Variants in LINGO1 observed in about 807,000 individuals in gnomAD.
LINGO1 encodes the protein leucine-rich repeat and immunoglobulin-like domain-containing nogo receptor-interacting protein 1.
Under a neutral mutation model 37.3 loss-of-function variants are expected in LINGO1, and 11 were observed. The observed-to-expected ratio is 0.29, with a 90% confidence interval of 0.19 to 0.49. The LOEUF is 0.49. Ranked by LOEUF, LINGO1 falls within the 20% of genes least tolerant of loss-of-function variation. The pLI, the probability that LINGO1 is intolerant of heterozygous loss-of-function variation, is 0.99. For synonymous variants in LINGO1, 387 were observed against 403.0 expected (o/e 0.96, Z 0.48); for missense variants, 585 against 878.2 (o/e 0.67, Z 4.22).
At chr15:77,674,054 A>G (rs1201123636) in intron 3 of LINGO1, among the ~76,000 whole-genome samples, 2 of 151,506 alleles carry the variant, frequency 1.3e-5, no homozygotes, top group Admixed American at 1.3e-4. Context: ...CCACCACTGA[A>G]CCACTCCTCT....
At chr15:77,740,447 G>A (rs1351174503) in intron 1 of LINGO1, among the ~76,000 whole-genome samples, 2 of 152,124 alleles carry the variant, frequency 1.3e-5, no homozygotes, top group Admixed American at 6.6e-5. Flanking sequence ...CAGCACAAAT[G>A]TTGCCTCAGT....
rs754960167 is a variant in LINGO1, at chr15:77,614,839, G to A, written c.1068C>T (p.His356=). 32 of 1,613,288 alleles carry A rather than the reference G, an allele frequency of 2.0e-5. No homozygotes were observed. The highest frequency in any genetic ancestry group is 2.7e-5 in the Non-Finnish European group (32 of 1,179,698). The part of the protein sequence containing the change: ...QLTTLEESVF[H]SVGNLETLIL... ...TGAGTGTCTCCAGGTTGCCCACCGA[G>A]TGGAAGACTGATTCCTCCAGTGTGG... Residue 356 remains histidine, a synonymous_variant, in exon 2 of 2, where the codon CAC becomes CAT. Coordinates refer to ENST00000355300, the MANE Select transcript of LINGO1 (RefSeq NM_032808.7).
At chr15:77,620,983 TC>T (rs1202872531) in intron 1 of LINGO1, among the ~76,000 whole-genome samples, 1 of 151,952 alleles carries the variant, frequency 6.6e-6, no homozygotes, top group Non-Finnish European at 1.5e-5. Context: ...TACAGGCTCA[TC>T]CACCAGACAC....
chr15:77,704,318 T>A (rs373072480), intron 2 of LINGO1, among the ~76,000 whole-genome samples: 21 of 152,280 alleles, frequency 1.4e-4, no homozygotes, highest in African/African-American at 5.1e-4. Flanking sequence ...AGGCTACACA[T>A]AGAGCACTAT....
intron 1 of LINGO1, among the ~76,000 whole-genome samples, chr15:77,801,519 G>A (rs1027077623): frequency 2.0e-5 from 3 of 152,034 alleles, no homozygotes; most frequent in Admixed American, 6.5e-5. Flanking sequence ...GGGCTTTCAT[G>A]GCCTGTTTTC....
rs564627688 is a variant in LINGO1, at chr15:77,798,428, G to A, written c.-457-2375C>T. Among the ~76,000 whole-genome samples, 19 of 152,292 alleles carry A rather than the reference G, an allele frequency of 1.2e-4. No homozygotes were observed. In the South Asian group the frequency reaches 3.3e-3, roughly 27 times the overall value. ...TAAGCCATCCCCACAGTGCCATTCC[G>A]GGCCCCCGGCTGCCATGCTCCAAGA... On this transcript the variant is annotated intron_variant, in intron 1 of 5. Transcript: ENST00000562933.
upstream of LINGO1, among the ~76,000 whole-genome samples, chr15:77,791,756 C>T (rs4243050): frequency 0.95 from 144,845 of 152,160 alleles, 68,992 homozygotes; most frequent in Admixed American, 0.97. Context: ...AGGCCTAGTA[C>T]CAGCCTCACA....
intron 1 of LINGO1, among the ~76,000 whole-genome samples, chr15:77,739,514 C>T (rs1374790801): frequency 2.0e-5 from 3 of 152,178 alleles, no homozygotes; most frequent in South Asian, 2.1e-4. Flanking sequence ...CTCCTTTTTC[C>T]CTTGGGATGC....
At chr15:77,683,421 G>A (rs1054614409) in intron 2 of LINGO1, among the ~76,000 whole-genome samples, 1 of 152,154 alleles carries the variant, frequency 6.6e-6, no homozygotes, top group Non-Finnish European at 1.5e-5. Flanking sequence ...GATGCTCCCC[G>A]AAGCATTATT....
rs118060832 is a variant in LINGO1 at position 77,622,144 on chromosome 15, G to A, written c.7-6244C>T. ...CCTGGGAAGGGGGCTAGAGCACTTC[G>A]GAAAGTCTGCCCAGGGCTCTGCCCA... is the stretch of plus-strand genomic sequence containing the variant. On this transcript the variant is annotated intron_variant, in intron 1 of 1. Transcript: ENST00000355300. 1.1e-4 allele frequency among the ~76,000 whole-genome samples: 17 copies of A among 152,298 alleles called. No individual in the cohort carries two copies. In the East Asian group the frequency reaches 2.9e-3, roughly 26 times the overall value.
intron 1 of LINGO1, among the ~76,000 whole-genome samples, chr15:77,765,879 C>G (rs2076523197): frequency 6.6e-6 from 1 of 152,130 alleles, no homozygotes; most frequent in African/African-American, 2.4e-5. Context: ...GACAGGCCCA[C>G]CCCTGCACAA....
intron 3 of LINGO1, chr15:77,651,897 G>C (rs2074765310): frequency 6.6e-6 from 1 of 152,182 alleles, no homozygotes; most frequent in South Asian, 2.1e-4. Flanking sequence ...TGGGTCTCTG[G>C]GTTTGGTCAG....
Position 77,615,917 on chromosome 15 carries a change from G to A in LINGO1, c.7-17C>T, listed in dbSNP as rs2073702429. On this transcript the variant is annotated splice_polypyrimidine_tract_variant and intron_variant, in intron 1 of 1. Transcript: ENST00000355300. ...CTTGCTCACCTGCAGCCGGGAGCAA[G>A]CACAGGACAGAGGTGGCGGTTAGGG... 1.4e-6 allele frequency: 2 copies of A among 1,456,630 alleles called. No homozygotes were observed. The highest frequency in any genetic ancestry group is 2.6e-5 in the Admixed American group (1 of 38,212). 90.2% of individuals were successfully genotyped at this position (1,456,630 alleles called of 1,614,324 possible).
chr15:77,712,214 C>A (rs1052074758), intron 2 of LINGO1, among the ~76,000 whole-genome samples: 1 of 152,130 alleles, frequency 6.6e-6, no homozygotes, highest in Non-Finnish European at 1.5e-5. Flanking sequence ...CTATCCCAGG[C>A]CACACCCTGG....
chr15:77,700,182 C>A (rs2075764373), upstream of LINGO1, among the ~76,000 whole-genome samples: 2 of 152,166 alleles, frequency 1.3e-5, no homozygotes, highest in African/African-American at 4.8e-5. Context: ...CCGGCCTCCT[C>A]AGGGCACCTT....
chr15:77,789,911 A>G (rs2076805126), upstream of LINGO1, among the ~76,000 whole-genome samples: 1 of 152,114 alleles, frequency 6.6e-6, no homozygotes. Context: ...AGCTGGGACC[A>G]CAGGTGTGTG....
intron 3 of LINGO1, among the ~76,000 whole-genome samples, chr15:77,657,403 G>A (rs1050622458): frequency 1.3e-5 from 2 of 152,158 alleles, no homozygotes; most frequent in Admixed American, 6.5e-5. Flanking sequence ...CAGTGTTCAT[G>A]AATGTGGCCC....
intron 1 of LINGO1, among the ~76,000 whole-genome samples, chr15:77,778,380 A>G (rs1173987823): frequency 2.6e-5 from 4 of 152,248 alleles, no homozygotes; most frequent in Non-Finnish European, 5.9e-5. Context: ...CACAGGTTCC[A>G]GGGTTGCGGG....
chr15:77,644,040 C>G (rs1033284662), intron 3 of LINGO1, among the ~76,000 whole-genome samples: 6 of 152,254 alleles, frequency 3.9e-5, no homozygotes, highest in Non-Finnish European at 5.9e-5. Context: ...CAGGGCCCGG[C>G]ACTCAGGAGC....
Sources: allele counts gnomAD v4.1 joint callset (sites outside exome capture counted in the v4.1 genomes callset), GRCh38; gene constraint gnomAD v4.1.1; transcripts MANE v1.5; gene names NCBI Gene and HGNC (gene_info 2026-07-23, HGNC 2026-07-21).